The following BAIAP2 variants were observed in gnomAD, a reference collection of about 807,000 sequenced individuals.
BAIAP2 encodes the protein BAR/IMD domain containing adaptor protein 2.
In BAIAP2, 18 loss-of-function variants were observed where a neutral mutation model predicts 63.0. That is an observed-to-expected ratio of 0.29 (90% CI 0.20 to 0.42). The LOEUF (loss-of-function observed/expected upper bound fraction) is 0.42, where lower values mean the gene tolerates loss of function less well. Ranked by LOEUF, BAIAP2 falls within the 10% of genes least tolerant of loss-of-function variation. The pLI is 1.00. For missense variants in BAIAP2, 610 were observed against 734.3 expected (o/e 0.83, Z 1.96); for synonymous variants, 386 against 307.6 (o/e 1.25, Z -2.67).
intron 5 of BAIAP2, among the ~76,000 whole-genome samples, chr17:81,086,237 G>C (rs1405768941): frequency 6.6e-6 from 1 of 151,978 alleles, no homozygotes; most frequent in African/African-American, 2.4e-5. Context: ...GGTTGGGTGG[G>C]GTCGGGCTGA....
chr17:81,100,602 C>T (rs751340608), intron 7 of BAIAP2, among the ~76,000 whole-genome samples: 2 of 152,100 alleles, frequency 1.3e-5, no homozygotes, highest in Non-Finnish European at 2.9e-5. Context: ...CCACCCAAGA[C>T]CACTGTGCCA....
At chr17:81,081,642 C>G (rs1018994237) in intron 3 of BAIAP2, among the ~76,000 whole-genome samples, 2 of 152,222 alleles carry the variant, frequency 1.3e-5, no homozygotes, top group Non-Finnish European at 1.5e-5. Flanking sequence ...CCCTGCACAC[C>G]TTGAACCCTA....
intron 2 of BAIAP2, among the ~76,000 whole-genome samples, chr17:81,055,713 CT>C (rs1323481504): frequency 6.6e-6 from 1 of 151,842 alleles, no homozygotes; most frequent in Non-Finnish European, 1.5e-5. Context: ...CCACAGGTGC[CT>C]GCCACCACGC....
At chr17:81,107,760 A>G (rs1280187906) in intron 12 of BAIAP2, 1 of 152,338 alleles carries the variant, frequency 6.6e-6, no homozygotes, top group Non-Finnish European at 1.5e-5. Context: ...CTACTCAGCT[A>G]TTGACCCACA....
At chr17:81,073,225 C>T (rs1487931552) in intron 3 of BAIAP2, among the ~76,000 whole-genome samples, 1 of 152,200 alleles carries the variant, frequency 6.6e-6, no homozygotes, top group Non-Finnish European at 1.5e-5. Context: ...CGGACCTTCC[C>T]CACCACTGTG....
intron 1 of BAIAP2, among the ~76,000 whole-genome samples, chr17:81,049,391 G>A (rs1157069095): frequency 6.6e-6 from 1 of 152,210 alleles, no homozygotes; most frequent in African/African-American, 2.4e-5. Context: ...GAGCCGCCGT[G>A]TGGGGGTGGC....
Position 81,116,148 on chromosome 17 carries a change from A to G in BAIAP2, c.*309A>G, listed in dbSNP as rs1434372385. 9 of 1,599,816 alleles carry G rather than the reference A, an allele frequency of 5.6e-6. No homozygotes were observed. The highest frequency in any genetic ancestry group is 7.7e-6 in the Non-Finnish European group (9 of 1,173,604). On this transcript the variant is annotated 3_prime_UTR_variant, in exon 14 of 14. Transcript: ENST00000428708. Reference sequence around the variant, plus strand: ...GGGTACCCCTGAGTTAAGGGAGGACATTTGGCCAGCTGGTGGCTGGGAGGG... The same window carrying G: ...GGGTACCCCTGAGTTAAGGGAGGACGTTTGGCCAGCTGGTGGCTGGGAGGG...
At chr17:81,065,846 C>T (rs986619274) in intron 3 of BAIAP2, among the ~76,000 whole-genome samples, 1 of 152,216 alleles carries the variant, frequency 6.6e-6, no homozygotes, top group Non-Finnish European at 1.5e-5. Flanking sequence ...ACGTAGCTGC[C>T]CTTTGGCCTG....
At chr17:81,079,380 CCA>C (rs1421908384) in intron 3 of BAIAP2, among the ~76,000 whole-genome samples, 1 of 151,950 alleles carries the variant, frequency 6.6e-6, no homozygotes, top group Non-Finnish European at 1.5e-5. Flanking sequence ...CACGGTGACC[CCA>C]GTGTGGACCG....
At chr17:81,057,671 A>G in intron 2 of BAIAP2, 1 of 1,366,546 alleles carries the variant, frequency 7.3e-7, no homozygotes, top group South Asian at 1.9e-5. Context: ...CTTACGAGTC[A>G]AGGGAGCTCT....
chr17:81,068,324 A>G (rs1206131081), intron 3 of BAIAP2, among the ~76,000 whole-genome samples: 2 of 152,188 alleles, frequency 1.3e-5, no homozygotes, highest in Non-Finnish European at 2.9e-5. Context: ...GGAGCAGACC[A>G]CGCCCATGGC....
intron 1 of BAIAP2, chr17:81,053,452 C>T (rs925838211): frequency 6.8e-6 from 4 of 588,480 alleles, no homozygotes; most frequent in Non-Finnish European, 1.2e-5. Flanking sequence ...CCCCTTTGCA[C>T]AGGTGTGAAA....
At chr17:81,114,770 C>G (rs2060326703) in intron 13 of BAIAP2, among the ~76,000 whole-genome samples, 1 of 152,134 alleles carries the variant, frequency 6.6e-6, no homozygotes, top group African/African-American at 2.4e-5. Context: ...CCAGGGTTTG[C>G]TTCCGGCTGC....
rs1304502666 is a variant in BAIAP2, at chr17:81,084,723, G to T, written c.218-109G>T. On this transcript the variant is annotated intron_variant, in intron 3 of 13. Coordinates refer to ENST00000428708, the MANE Select transcript of BAIAP2 (RefSeq NM_001144888.2). ...GCCCTGACACCCCGGGGGCCCTGCT[G>T]CCTGTGGTCACAGGGCTTCCCTGGG... The T allele has an allele frequency of 3.7e-6, 4 of 1,067,072 alleles. No individual in the cohort carries two copies. The African/African-American group carries it at 4.7e-5, about 12-fold the overall frequency. The allele number at this position is 1,067,072 out of a possible 1,614,324, so 66.1% of individuals were successfully genotyped here. A position where few individuals can be genotyped will look rare whatever the true frequency, so the allele number is the denominator to read the frequency against.
At chr17:81,103,385 C>T in intron 7 of BAIAP2, 117 bp from the exon 8 acceptor site, 1 of 987,754 alleles carries the variant, frequency 1.0e-6, no homozygotes, top group South Asian at 1.5e-5. Flanking sequence ...GAGGTACCAC[C>T]TGGTGAAGAG....
chr17:81,076,749 A>C (rs1293901816), intron 3 of BAIAP2, among the ~76,000 whole-genome samples: 3 of 152,066 alleles, frequency 2.0e-5, no homozygotes, highest in African/African-American at 7.2e-5. Context: ...TTGGGAGTCC[A>C]CTTGATCCCA....
chr17:81,098,983 CCCA>C (rs1470192265), intron 6 of BAIAP2, among the ~76,000 whole-genome samples: 5 of 95,386 alleles, frequency 5.2e-5, no homozygotes, highest in Non-Finnish European at 1.3e-4. Context: ...CCCCCATCCC[CCCA>C]TCCCCCCATC....
intron 13 of BAIAP2, 126 bp downstream of exon 13, chr17:81,108,635 C>G: frequency 7.9e-7 from 1 of 1,260,408 alleles, no homozygotes; most frequent in Non-Finnish European, 1.1e-6. Context: ...GCCCTTCACC[C>G]CTGTCAGAGC....
At position 81,109,409 on chromosome 17, in the gene BAIAP2, A is replaced by G. The variant is rs1161340099; in HGVS notation, c.1535+900A>G. ...AAAAAAAAAAAAGAAAAAAAGAAAA[A>G]CAGGAAAAAGGACTTTTTTTTTCCT... On this transcript the variant is annotated intron_variant, in intron 13 of 13. Coordinates refer to ENST00000428708, the MANE Select transcript of BAIAP2 (RefSeq NM_001144888.2). 1.6e-4 allele frequency: 161 copies of G among 1,017,528 alleles called. 2 individuals carry two copies. The South Asian group carries it at 6.5e-3, about 41-fold the overall frequency. 63.0% of individuals were successfully genotyped at this position (1,017,528 alleles called of 1,614,324 possible). A position where few individuals can be genotyped will look rare whatever the true frequency, so the allele number is the denominator to read the frequency against.
Sources: allele counts gnomAD v4.1 joint callset (sites outside exome capture counted in the v4.1 genomes callset), GRCh38; gene constraint gnomAD v4.1.1; transcripts MANE v1.5; gene names NCBI Gene and HGNC (gene_info 2026-07-23, HGNC 2026-07-21).